Variants in COL18A1 observed in about 807,000 individuals in gnomAD.
The protein encoded by COL18A1 is collagen alpha-1(XVIII) chain.
COL18A1 carries 133 observed loss-of-function variants against 168.0 expected under a neutral mutation model. The ratio of observed to expected loss-of-function variants is 0.79; its 90% CI spans 0.69 to 0.91. The LOEUF (loss-of-function observed/expected upper bound fraction) is 0.91. Ranked by LOEUF, COL18A1 falls within the 40% of genes least tolerant of loss-of-function variation. COL18A1 has a pLI of 0.00. For missense variants in COL18A1, 2,126 were observed against 1,925.4 expected, an observed-to-expected ratio of 1.10 and a Z score of -1.95; for synonymous variants, 949 against 809.0, an observed-to-expected ratio of 1.17 and a Z score of -2.94.
chr21:45,488,008 A>AG (rs1195558359), intron 17 of COL18A1, among the ~76,000 whole-genome samples: 1 of 152,194 alleles, frequency 6.6e-6, no homozygotes. Context: ...GGGCAGACCC[A>AG]GGGGCCACAA....
At chr21:45,504,390 C>A in intron 33 of COL18A1, 26 bp from the exon 34 acceptor site, 1 of 1,606,608 alleles carries the variant, frequency 6.2e-7, no homozygotes, top group East Asian at 2.2e-5. Flanking sequence ...TCAGGGCTCC[C>A]GTGTAACAAG....
At chr21:45,478,268 C>T in intron 8 of COL18A1, 59 bp from the exon 9 acceptor site, 1 of 1,610,220 alleles carries the variant, frequency 6.2e-7, no homozygotes. Flanking sequence ...CATGTAGACA[C>T]TGTAGGTGGC....
intron 6 of COL18A1, 24 bp downstream of exon 6, chr21:45,476,504 G>A: frequency 2.5e-6 from 4 of 1,574,502 alleles, no homozygotes; most frequent in South Asian, 2.3e-5. Context: ...TGGATGTGGT[G>A]TGTGTGTGGT....
chr21:45,437,258 TCACA>T (rs1217773516), intron 2 of COL18A1, among the ~76,000 whole-genome samples: 311 of 26,672 alleles, frequency 0.012, 28 homozygotes, highest in African/African-American at 0.053. Flanking sequence ...ACACACACAC[TCACA>T]CACTCAGACA....
Position 45,437,214 on chromosome 21 carries a change from A to C in COL18A1, c.107-31028A>C, listed in dbSNP as rs1447605563. On this transcript the variant is annotated intron_variant, in intron 2 of 41. Coordinates refer to ENST00000651438, the MANE Select transcript of COL18A1 (RefSeq NM_001379500.1). ...CAGACACACAGGCACTCTCCTGCAC[A>C]CACACACACAGACACACAGGCACTC... 2.7e-5 allele frequency among the ~76,000 whole-genome samples: 3 copies of C among 112,718 alleles called. No individual in the cohort carries two copies. In the East Asian group the frequency reaches 8.8e-4, roughly 33 times the overall value. 73.9% of individuals were successfully genotyped at this position (112,718 alleles called of 152,430 possible). A position where few individuals can be genotyped will look rare whatever the true frequency, so the allele number is the denominator to read the frequency against.
At chr21:45,490,467 T>TGGGTTCCTGGGCCTCCATGTGCCCTCCG in intron 20 of COL18A1, 121 bp downstream of exon 20, 1 of 783,240 alleles carries the variant, frequency 1.3e-6, no homozygotes, top group Non-Finnish European at 2.0e-6. Context: ...TGTGCCCTCG[T>TGGGTTCCTGGGCCTCCATGTGCCCTCCG]GGGTCCCTGG....
In COL18A1 at chr21:45,481,992, GC is replaced by G; in HGVS notation, c.1646del (p.Pro549GlnfsTer175). 1 of 1,613,618 alleles carries G rather than the reference GC, an allele frequency of 6.2e-7. No individual in the cohort carries two copies. Among genetic ancestry groups the G allele is most frequent in the Non-Finnish European group, 8.5e-7 (1 of 1,179,654 alleles). ...GPPGPPGREG[P>X]PGRTGQKGSL... ...CCCCAGGCCCTCCGGGAAGAGAGGG[GC>G]CCCCAGGAAGGACTGGGCAGAAAGG... On this transcript the variant is annotated frameshift_variant, in exon 14 of 42. Coordinates refer to ENST00000651438, the MANE Select transcript of COL18A1 (RefSeq NM_001379500.1). LOFTEE classifies it high-confidence loss of function.
intron 29 of COL18A1, 181 bp downstream of exon 29, chr21:45,495,613 CGT>C (rs1315308885): frequency 3.0e-5 from 19 of 623,244 alleles, no homozygotes; most frequent in African/African-American, 2.0e-4. Flanking sequence ...CACACGCACA[CGT>C]GTGCCCAAAC....
intron 2 of COL18A1, among the ~76,000 whole-genome samples, chr21:45,453,317 G>A (rs1050519452): frequency 3.3e-5 from 5 of 151,976 alleles, no homozygotes; most frequent in Non-Finnish European, 7.3e-5. Context: ...GTATTCACAT[G>A]TGACATATAT....
intron 2 of COL18A1, among the ~76,000 whole-genome samples, chr21:45,452,886 A>G (rs890489983): frequency 2.1e-4 from 32 of 151,570 alleles, no homozygotes; most frequent in African/African-American, 7.3e-4. Flanking sequence ...GAGTATTCAC[A>G]TGTGACATGT....
At chr21:45,409,782 T>A (rs956223216) in intron 2 of COL18A1, among the ~76,000 whole-genome samples, 1 of 152,082 alleles carries the variant, frequency 6.6e-6, no homozygotes, top group African/African-American at 2.4e-5. Flanking sequence ...CCTCTAGGGG[T>A]TCTGTGAGCG....
intron 30 of COL18A1, 76 bp downstream of exon 30, chr21:45,496,644 T>C (rs1184494505): frequency 3.6e-5 from 29 of 804,166 alleles, no homozygotes; most frequent in East Asian, 9.7e-5. Flanking sequence ...GGCTGGGCCT[T>C]CTTCTCCCCT....
At position 45,457,035 on chromosome 21, in the gene COL18A1, A is replaced by G. The variant is rs1306726713; in HGVS notation, c.107-11207A>G. ...TCGGGAGGTGGGAGAGCTGGGAGTG[A>G]GGCCTCCTGTGTGGGGAGGAGGCCG... is the stretch of plus-strand genomic sequence containing the variant. On this transcript the variant is annotated intron_variant, in intron 2 of 41. Coordinates refer to ENST00000651438, the MANE Select transcript of COL18A1 (RefSeq NM_001379500.1). The surrounding 1 kb of genome is among the most constrained non-coding windows in gnomAD (Gnocchi z 4.6). Among the ~76,000 whole-genome samples, 2 of 152,118 alleles carry G rather than the reference A, an allele frequency of 1.3e-5. No individual in the cohort carries two copies. The highest frequency in any genetic ancestry group is 2.9e-5 in the Non-Finnish European group (2 of 68,018).
intron 2 of COL18A1, among the ~76,000 whole-genome samples, chr21:45,445,801 C>T: frequency 6.6e-6 from 1 of 152,192 alleles, no homozygotes; most frequent in Non-Finnish European, 1.5e-5. Context: ...GGATTATTGT[C>T]TTTTTGTTGT....
In COL18A1 at chr21:45,480,828, C is replaced by G. The variant is rs369409660; in HGVS notation, c.1581C>G (p.Arg527=). 1.2e-6 allele frequency: 2 copies of G among 1,611,552 alleles called. No individual in the cohort carries two copies. The highest frequency in any genetic ancestry group is 1.7e-5 in the Admixed American group (1 of 59,910). The stretch of plus-strand genomic sequence containing the variant: ...CCGGCCTTCCTGGTGTGCCTGGGCG[C>G]GAGGGTCCCCCCGGGTTTCCTGGCC... ...GPAGLPGVPG[R]EGPPGFPGLP... is the part of the protein sequence containing the mutation. The change falls in exon 13 of 42, where the codon CGC becomes CGG. Residue 527 remains arginine, a synonymous_variant. Coordinates refer to ENST00000651438, the MANE Select transcript of COL18A1 (RefSeq NM_001379500.1).
rs367624457 is a variant in COL18A1 at position 45,480,425 on chromosome 21, G to A, written c.1399-42G>A. The A allele has an allele frequency of 9.5e-4, 1,536 of 1,613,904 alleles. 4 individuals carry two copies. The highest frequency in any genetic ancestry group is 8.6e-3 in the Middle Eastern group (52 of 6,062). ...GGGCCAGGAGTAGGCCAGGCGGGGG[G>A]CCGAGCTCAGGGCAACGTGTCTCTC... On this transcript the variant is annotated intron_variant, in intron 11 of 41. Coordinates refer to ENST00000651438, the MANE Select transcript of COL18A1 (RefSeq NM_001379500.1).
intron 2 of COL18A1, among the ~76,000 whole-genome samples, chr21:45,410,802 C>T (rs1206149216): frequency 3.3e-5 from 5 of 152,188 alleles, no homozygotes; most frequent in Admixed American, 3.3e-4. Flanking sequence ...GATGGGAAAG[C>T]CAGGCTGGAC....
Position 45,493,579 on chromosome 21 carries a change from AGGGCC to A in COL18A1, c.2352+9_2352+13del. 6.5e-7 allele frequency: 1 copy of A among 1,549,894 alleles called. No individual in the cohort carries two copies. The highest frequency in any genetic ancestry group is 8.7e-7 in the Non-Finnish European group (1 of 1,146,618). On this transcript the variant is annotated splice_donor_5th_base_variant and intron_variant, in intron 26 of 41. Coordinates refer to ENST00000651438, the MANE Select transcript of COL18A1 (RefSeq NM_001379500.1). ...CCCTGCCCAGAAAGGAGCCAAGGTG[AGGGCC>A]GGGCAGCCTCCTTCCGGCAGGCGTG...
At chr21:45,478,051 A>T in intron 8 of COL18A1, 86 bp downstream of exon 8, 1 of 799,944 alleles carries the variant, frequency 1.3e-6, no homozygotes, top group East Asian at 2.7e-5. Context: ...CCGACATGGG[A>T]GTGAGCTGAG....
Sources: allele counts gnomAD v4.1 joint callset (sites outside exome capture counted in the v4.1 genomes callset), GRCh38; gene constraint gnomAD v4.1.1; non-coding constraint Gnocchi (gnomAD v3.1); transcripts MANE v1.5; gene names NCBI Gene and HGNC (gene_info 2026-07-23, HGNC 2026-07-21).